GBA2: variants seen among roughly 807,000 people sequenced by gnomAD.
The protein encoded by GBA2 is glucosylceramidase beta 2.
Under a neutral mutation model 112.9 loss-of-function variants are expected in GBA2, and 79 were observed. The observed-to-expected ratio is 0.70, with a 90% confidence interval of 0.58 to 0.84. The LOEUF (loss-of-function observed/expected upper bound fraction) is 0.84. Ranked by LOEUF, GBA2 falls within the 40% of genes least tolerant of loss-of-function variation. The pLI is 0.00. For synonymous variants in GBA2, 403 were observed against 434.3 expected (o/e 0.93, Z 0.90); for missense variants, 1,043 against 1,190.0 (o/e 0.88, Z 1.82).
intron 10 of GBA2, 98 bp downstream of exon 10, chr9:35,739,217 T>C: frequency 9.7e-7 from 1 of 1,029,842 alleles, no homozygotes; most frequent in South Asian, 1.3e-5. Flanking sequence ...TGCAGATACG[T>C]ATGAAGGGAA....
In GBA2 at chr9:35,739,116, G is replaced by GA; in HGVS notation, c.1688-8dup. 4 of 1,491,850 alleles carry GA rather than the reference G, an allele frequency of 2.7e-6. No homozygotes were observed. The highest frequency in any genetic ancestry group is 3.6e-6 in the Non-Finnish European group (4 of 1,109,082). 92.4% of individuals were successfully genotyped at this position (1,491,850 alleles called of 1,614,324 possible). A position where few individuals can be genotyped will look rare whatever the true frequency, so the allele number is the denominator to read the frequency against. The stretch of plus-strand genomic sequence containing the variant: ...TCCCTGAGAGTGGCCAGAGCTGGGG[G>GA]AGAGACACAGAAGGGAGGCAGGGAA... On this transcript the variant is annotated splice_polypyrimidine_tract_variant and splice_region_variant and intron_variant, in intron 10 of 16. Transcript: ENST00000378103.
rs1165692707 is a variant in GBA2, at chr9:35,749,207, T to G, written c.-503A>C. 2 of 405,208 alleles carry G rather than the reference T, an allele frequency of 4.9e-6. No individual in the cohort carries two copies. The highest frequency in any genetic ancestry group is 2.8e-5 in the Admixed American group (1 of 35,242). 25.1% of individuals were successfully genotyped at this position (405,208 alleles called of 1,614,324 possible). A position where few individuals can be genotyped will look rare whatever the true frequency, so the allele number is the denominator to read the frequency against. Reference sequence around the variant, plus strand: ...GGGAAGGTGACCCTGGGCGCCGGGATGACCCGAGCCCTTTCCGGTCTGGCC... The same window carrying G: ...GGGAAGGTGACCCTGGGCGCCGGGAGGACCCGAGCCCTTTCCGGTCTGGCC... On this transcript the variant is annotated 5_prime_UTR_variant, in exon 1 of 17. Transcript: ENST00000378103. This position sits in a 1 kb window ranked among gnomAD's most constrained non-coding sequence, Gnocchi z 4.4.
At position 35,739,693 on chromosome 9, in the gene GBA2, A is replaced by C. The variant is rs781128831; in HGVS notation, c.1517T>G (p.Leu506Arg). 1.2e-6 allele frequency: 2 copies of C among 1,614,142 alleles called. No individual in the cohort carries two copies. The highest frequency in any genetic ancestry group is 1.7e-6 in the Non-Finnish European group (2 of 1,179,978). ...GCGGAGGTGACACATGTTTCTGCCC[A>C]GCTCCTCTGGTAGGGAGTCCTCAAG... ...EVLEDSLPEE[L>R]GRNMCHLRPT... is the part of the protein sequence containing the mutation. The change falls in exon 9 of 17, where the codon CTG becomes CGG. Residue 506 changes from leucine (L) to arginine (R), a missense_variant. Coordinates refer to ENST00000378103, the MANE Select transcript of GBA2 (RefSeq NM_020944.3).
At chr9:35,744,737 G>A in intron 1 of GBA2, 31 bp from the exon 2 acceptor site, 1 of 1,213,746 alleles carries the variant, frequency 8.2e-7, no homozygotes, top group Non-Finnish European at 1.2e-6. Context: ...TGAGTGGAAG[G>A]GGGCAGGTGG....
At position 35,737,373 on chromosome 9, in the gene GBA2, G is replaced by C. The variant is rs1012890540; in HGVS notation, c.2580C>G (p.Phe860Leu). ...GCTGGCAGTATGCCTCTGGGGTCTG[G>C]AAGGCCAGACCCAGGCGCTCCCACA... Reference protein sequence around the residue: ...RTVWERLGLAFQTPEAYCQQR... With the variant: ...RTVWERLGLALQTPEAYCQQR... The change falls in exon 17 of 17, where the codon TTC (phenylalanine) becomes TTG (leucine). Residue 860 changes from phenylalanine to leucine, a missense_variant. Transcript: ENST00000378103. The surrounding 1 kb of genome is among the most constrained non-coding windows in gnomAD (Gnocchi z 4.1). 1.9e-6 allele frequency: 3 copies of C among 1,614,174 alleles called. No homozygotes were observed. The highest frequency in any genetic ancestry group is 2.5e-6 in the Non-Finnish European group (3 of 1,180,036).
At chr9:35,739,175 G>T in intron 10 of GBA2, 66 bp from the exon 11 acceptor site, 1 of 1,117,942 alleles carries the variant, frequency 8.9e-7, no homozygotes, top group Non-Finnish European at 1.4e-6. Flanking sequence ...ACAGCTATGT[G>T]TGTGACTGCA....
In GBA2 at chr9:35,740,882, G is replaced by C; in HGVS notation, c.969C>G (p.Leu323=). The change falls in exon 5 of 17, where the codon CTC becomes CTG. Residue 323 remains leucine, a synonymous_variant. Coordinates refer to ENST00000378103, the MANE Select transcript of GBA2 (RefSeq NM_020944.3). This position sits in a 1 kb window ranked among gnomAD's most constrained non-coding sequence, Gnocchi z 4.7. The part of the protein sequence containing the change: ...ERSGETVRGL[L]LHHPTLPNPY... ...GGTTTGGAAGGGTTGGATGATGCAG[G>C]AGCAGCCCCCGGACAGTTTCCCCGC... 1 of 1,613,696 alleles carries C rather than the reference G, an allele frequency of 6.2e-7. No individual in the cohort carries two copies. Among genetic ancestry groups the C allele is most frequent in the Non-Finnish European group, 8.5e-7 (1 of 1,179,838 alleles).
In GBA2 at chr9:35,748,842, A is replaced by G; in HGVS notation, c.-138T>C. The G allele has an allele frequency of 1.6e-6, 1 of 613,416 alleles. No homozygotes were observed. Among genetic ancestry groups the G allele is most frequent in the Non-Finnish European group, 2.9e-6 (1 of 350,328 alleles). 38.0% of individuals were successfully genotyped at this position (613,416 alleles called of 1,614,324 possible). A position where few individuals can be genotyped will look rare whatever the true frequency, so the allele number is the denominator to read the frequency against. On this transcript the variant is annotated 5_prime_UTR_variant, in exon 1 of 17. Transcript: ENST00000378103. Reference sequence around the variant, plus strand: ...GAAAGCTTAAATGAGCTGGTGTTTCAGTGGAGCCGGGGAGCTCTTGCTTCA... The same window carrying G: ...GAAAGCTTAAATGAGCTGGTGTTTCGGTGGAGCCGGGGAGCTCTTGCTTCA...
chr9:35,738,677 G>A lies in GBA2; in HGVS notation c.1948-45C>T, dbSNP rs773842689. 13 of 1,600,150 alleles carry A rather than the reference G, an allele frequency of 8.1e-6. No homozygotes were observed. In the South Asian group the frequency reaches 9.9e-5, roughly 12 times the overall value. ...TTGAAGACCTAGGTACCGAGGAAAGGCAACAACCAGCTAGGCTCTTCCCAG... is the reference window on the plus strand; with the variant it reads ...TTGAAGACCTAGGTACCGAGGAAAGACAACAACCAGCTAGGCTCTTCCCAG... On this transcript the variant is annotated intron_variant, in intron 12 of 16. Transcript: ENST00000378103.
At chr9:35,744,516 G>A (rs1378088198) in intron 2 of GBA2, 99 bp downstream of exon 2, 1 of 1,036,148 alleles carries the variant, frequency 9.7e-7, no homozygotes, top group Non-Finnish European at 1.5e-6. Flanking sequence ...CTAGGGGATG[G>A]AACAGTGCAA....
chr9:35,748,589 T>A lies in GBA2; in HGVS notation c.116A>T (p.Asp39Val). ...ACTCTTACAGTCTGTAACCTGCACA[T>A]CCTTGGTGCCGCCAGTCTCTTCAGG... The part of the protein sequence containing the change: ...YCPEETGGTK[D>V]VQVTDCKSPE... Residue 39 changes from aspartate to valine, a missense_variant, in exon 1 of 17, where the codon GAT becomes GTT. Coordinates refer to ENST00000378103, the MANE Select transcript of GBA2 (RefSeq NM_020944.3). 1 of 1,613,682 alleles carries A rather than the reference T, an allele frequency of 6.2e-7. No homozygotes were observed. Among genetic ancestry groups the A allele is most frequent in the Non-Finnish European group, 8.5e-7 (1 of 1,179,582 alleles).
rs1436043075 is a variant in GBA2 at position 35,740,785 on chromosome 9, G to A, written c.1026+40C>T. Reference sequence around the variant, plus strand: ...AAGAGACCATGCTGGGGTGGAGGTGGGGTTCAGGGGCTAAGGTATAGGGCA... The same window carrying A: ...AAGAGACCATGCTGGGGTGGAGGTGAGGTTCAGGGGCTAAGGTATAGGGCA... On this transcript the variant is annotated intron_variant, in intron 5 of 16. Transcript: ENST00000378103. This position sits in a 1 kb window ranked among gnomAD's most constrained non-coding sequence, Gnocchi z 4.7. 2 of 1,608,100 alleles carry A rather than the reference G, an allele frequency of 1.2e-6. No individual in the cohort carries two copies. Among genetic ancestry groups the A allele is most frequent in the East Asian group, 4.5e-5 (2 of 44,770 alleles).
In GBA2 at chr9:35,748,990, G is replaced by C. The variant is rs376912899; in HGVS notation, c.-286C>G. On this transcript the variant is annotated 5_prime_UTR_variant, in exon 1 of 17. Transcript: ENST00000378103. ...GACGATTAGCTCGCCCGGCCAAAGG[G>C]CGACTGGGCCCGCAGAGAGGGGAGG... 6.9e-6 allele frequency: 2 copies of C among 289,012 alleles called. No homozygotes were observed. The highest frequency in any genetic ancestry group is 1.3e-5 in the Non-Finnish European group (2 of 158,152). The allele number at this position is 289,012 out of a possible 1,614,324, so 17.9% of individuals were successfully genotyped here.
chr9:35,738,567 A>G lies in GBA2; in HGVS notation c.2013T>C (p.Tyr671=). ...CCCATCCATCATAGGTCTGGTCTGC[A>G]TAGCCTCCATTTTCAATGAGTCCAT... ...DHDGLIENGG[Y]ADQTYDGWVT... The change falls in exon 13 of 17, where the codon TAT becomes TAC. Residue 671 remains tyrosine, a synonymous_variant. Coordinates refer to ENST00000378103, the MANE Select transcript of GBA2 (RefSeq NM_020944.3). 1 of 1,614,030 alleles carries G rather than the reference A, an allele frequency of 6.2e-7. No homozygotes were observed. Among genetic ancestry groups the G allele is most frequent in the Non-Finnish European group, 8.5e-7 (1 of 1,179,874 alleles).
In GBA2 at chr9:35,740,589, C is replaced by T. The variant is rs138775145; in HGVS notation, c.1066G>A (p.Asp356Asn). The part of the protein sequence containing the change: ...TVTHITAFDP[D>N]STGQQVWQDL... Reference sequence around the variant, plus strand: ...TGCCACACCTGCTGCCCCGTGCTGTCAGGGTCAAAGGCTGTGATGTGGGTT... The same window carrying T: ...TGCCACACCTGCTGCCCCGTGCTGTTAGGGTCAAAGGCTGTGATGTGGGTT... The change falls in exon 6 of 17, where the codon GAC (aspartate) becomes AAC (asparagine). Residue 356 changes from aspartate to asparagine, a missense_variant. Physicochemically the swap from Asp to Asn is conservative, Grantham distance 23 (BLOSUM62 1). Transcript: ENST00000378103. The surrounding 1 kb of genome is among the most constrained non-coding windows in gnomAD (Gnocchi z 4.7). 3 of 1,614,086 alleles carry T rather than the reference C, an allele frequency of 1.9e-6. No individual in the cohort carries two copies. The highest frequency in any genetic ancestry group is 2.5e-6 in the Non-Finnish European group (3 of 1,179,948).
At position 35,737,989 on chromosome 9, in the gene GBA2, C is replaced by G; in HGVS notation, c.2313+48G>C. ...GGTCTCATATACTTACTTCCCACCT[C>G]CAGGGAAAACCCATTTTTCTCTCTG... On this transcript the variant is annotated intron_variant, in intron 15 of 16. Coordinates refer to ENST00000378103, the MANE Select transcript of GBA2 (RefSeq NM_020944.3). This position sits in a 1 kb window ranked among gnomAD's most constrained non-coding sequence, Gnocchi z 4.1. The G allele has an allele frequency of 6.3e-7, 1 of 1,595,386 alleles. No individual in the cohort carries two copies. Among genetic ancestry groups the G allele is most frequent in the Non-Finnish European group, 8.6e-7 (1 of 1,168,322 alleles).
Position 35,737,973 on chromosome 9 carries a change from T to C in GBA2, c.2314-34A>G. 1.2e-6 allele frequency: 2 copies of C among 1,602,306 alleles called. No individual in the cohort carries two copies. Among genetic ancestry groups the C allele is most frequent in the South Asian group, 1.1e-5 (1 of 90,728 alleles). On this transcript the variant is annotated intron_variant, in intron 15 of 16. Transcript: ENST00000378103. This position sits in a 1 kb window ranked among gnomAD's most constrained non-coding sequence, Gnocchi z 4.1. ...GCAAGGGCAGGAACATGGTCTCATA[T>C]ACTTACTTCCCACCTCCAGGGAAAA... is the stretch of plus-strand genomic sequence containing the variant.
At position 35,741,574 on chromosome 9, in the gene GBA2, AG is replaced by A; in HGVS notation, c.786+97del. The stretch of plus-strand genomic sequence containing the variant: ...TGGCCTCCCAAAGTGTTGGGATTAC[AG>A]GCGTGAGCTACCGCGCCTCGCAGGC... On this transcript the variant is annotated intron_variant, in intron 4 of 16. Transcript: ENST00000378103. This position sits in a 1 kb window ranked among gnomAD's most constrained non-coding sequence, Gnocchi z 4.6. The A allele has an allele frequency of 1.2e-6, 1 of 824,894 alleles. No homozygotes were observed. The highest frequency in any genetic ancestry group is 2.1e-6 in the Non-Finnish European group (1 of 467,154). 51.1% of individuals were successfully genotyped at this position (824,894 alleles called of 1,614,324 possible). A position where few individuals can be genotyped will look rare whatever the true frequency, so the allele number is the denominator to read the frequency against.
At chr9:35,739,871 A>T (rs1826534272) in intron 8 of GBA2, 71 bp from the exon 9 acceptor site, 1 of 1,564,182 alleles carries the variant, frequency 6.4e-7, no homozygotes, top group African/African-American at 1.4e-5. Flanking sequence ...TTGGGGGTTC[A>T]GCAGAGTGGG....
Sources: allele counts gnomAD v4.1 joint callset, GRCh38; gene constraint gnomAD v4.1.1; non-coding constraint Gnocchi (gnomAD v3.1); transcripts MANE v1.5; gene names NCBI Gene and HGNC (gene_info 2026-07-23, HGNC 2026-07-21).